The following CD2AP variants were observed in gnomAD, a reference collection of about 807,000 sequenced individuals.
CD2AP encodes the protein CD2 associated protein, also known as CD2-associated protein.
Under a neutral mutation model 85.1 loss-of-function variants are expected in CD2AP, and 46 were observed. The observed-to-expected ratio is 0.54, with a 90% CI of 0.43 to 0.69. The LOEUF is 0.69. CD2AP is among the 30% of genes least tolerant of loss of function. The pLI is 0.00. For missense variants in CD2AP, 769 were observed against 729.5 expected (o/e 1.05, Z -0.62); for synonymous variants, 255 against 252.9 (o/e 1.01, Z -0.08).
intron 13 of CD2AP, among the ~76,000 whole-genome samples, chr6:47,605,237 A>T (rs965515891): frequency 2.6e-5 from 4 of 152,034 alleles, no homozygotes; most frequent in African/African-American, 4.8e-5. Flanking sequence ...TGAGTTTGGA[A>T]TCTGGGGTAA....
chr6:47,565,864 C>T (rs112307024), intron 5 of CD2AP, among the ~76,000 whole-genome samples: 291 of 152,300 alleles, frequency 1.9e-3, no homozygotes, highest in African/African-American at 6.8e-3. Flanking sequence ...GATCACCCTC[C>T]AGTAGCTTTG....
chr6:47,599,474 T>TAA, intron 13 of CD2AP, 31 bp downstream of exon 13: 31 of 1,321,160 alleles, frequency 2.3e-5, no homozygotes, highest in African/African-American at 4.5e-5. Flanking sequence ...GTGGTGCATT[T>TAA]AAAAAAAAAA....
chr6:47,601,591 C>T (rs1001375399), intron 13 of CD2AP, among the ~76,000 whole-genome samples: 5 of 151,930 alleles, frequency 3.3e-5, no homozygotes, highest in East Asian at 3.9e-4. Flanking sequence ...TAGTGTATGT[C>T]GTAAGCATTA....
chr6:47,575,880 G>T (rs980475038), intron 6 of CD2AP, among the ~76,000 whole-genome samples: 2 of 152,042 alleles, frequency 1.3e-5, no homozygotes, highest in African/African-American at 2.4e-5. Flanking sequence ...TTAGTTCTGG[G>T]TTAAAATCTG....
chr6:47,568,618 C>G (rs1294058688), intron 5 of CD2AP, among the ~76,000 whole-genome samples: 2 of 152,082 alleles, frequency 1.3e-5, no homozygotes, highest in Non-Finnish European at 2.9e-5. Context: ...GTGGTGTGCA[C>G]CTGTAATCGC....
chr6:47,507,734 C>T (rs563622101), intron 2 of CD2AP, among the ~76,000 whole-genome samples: 4 of 152,270 alleles, frequency 2.6e-5, no homozygotes, highest in African/African-American at 7.2e-5. Flanking sequence ...TGTGAGCCAC[C>T]GTGCCTGGCC....
At chr6:47,612,229 C>T (rs982389920) in intron 16 of CD2AP, among the ~76,000 whole-genome samples, 5 of 152,046 alleles carry the variant, frequency 3.3e-5, no homozygotes, top group Admixed American at 6.6e-5. Flanking sequence ...TTTCTGTCTT[C>T]GTGAGCTGCT....
At chr6:47,497,596 G>T (rs987223319) in intron 1 of CD2AP, among the ~76,000 whole-genome samples, 15 of 152,016 alleles carry the variant, frequency 9.9e-5, no homozygotes, top group Admixed American at 7.2e-4. Context: ...TGGTATTTTT[G>T]TAGAGATGGG....
intron 2 of CD2AP, among the ~76,000 whole-genome samples, chr6:47,521,207 G>GT (rs1436814971): frequency 6.6e-6 from 1 of 152,070 alleles, no homozygotes. Flanking sequence ...CATAAGTAAG[G>GT]TTTTTACTCA....
At chr6:47,524,619 T>TC (rs1171552591) in intron 2 of CD2AP, among the ~76,000 whole-genome samples, 2 of 74,024 alleles carry the variant, frequency 2.7e-5, no homozygotes, top group Non-Finnish European at 4.2e-5. Flanking sequence ...TGTTTTTTTT[T>TC]CCACTGTACT....
intron 4 of CD2AP, among the ~76,000 whole-genome samples, chr6:47,552,431 A>G (rs2114058801): frequency 6.6e-6 from 1 of 152,302 alleles, no homozygotes; most frequent in East Asian, 1.9e-4. Context: ...TTCACTTAGA[A>G]TAATAGCCTC....
At chr6:47,520,695 T>A (rs886453926) in intron 2 of CD2AP, among the ~76,000 whole-genome samples, 10 of 151,216 alleles carry the variant, frequency 6.6e-5, no homozygotes, top group Non-Finnish European at 1.2e-4. Context: ...GTTCCCTACT[T>A]GGTCATTGCT....
At chr6:47,509,239 T>G (rs947503498) in intron 2 of CD2AP, among the ~76,000 whole-genome samples, 6 of 152,092 alleles carry the variant, frequency 3.9e-5, no homozygotes, top group African/African-American at 1.2e-4. Context: ...AGGGCACAGT[T>G]TGAGATACCT....
At chr6:47,607,440 A>G (rs750557303) in intron 14 of CD2AP, among the ~76,000 whole-genome samples, 8 of 152,044 alleles carry the variant, frequency 5.3e-5, no homozygotes, top group Admixed American at 4.6e-4. Context: ...AGGGTTCCCT[A>G]TCTCCATATC....
chr6:47,496,003 A>T (rs912125648), intron 1 of CD2AP, among the ~76,000 whole-genome samples: 1 of 151,980 alleles, frequency 6.6e-6, no homozygotes, highest in African/African-American at 2.4e-5. Flanking sequence ...TTCCTATATG[A>T]TGTTACTGTT....
At chr6:47,575,736 A>G (rs1048656724) in intron 6 of CD2AP, among the ~76,000 whole-genome samples, 4 of 152,184 alleles carry the variant, frequency 2.6e-5, no homozygotes, top group Admixed American at 6.5e-5. Context: ...GTAATCTGTT[A>G]GTCCTTTACA....
At chr6:47,584,973 T>C (rs1213638671) in intron 11 of CD2AP, among the ~76,000 whole-genome samples, 1 of 152,008 alleles carries the variant, frequency 6.6e-6, no homozygotes, top group Non-Finnish European at 1.5e-5. Context: ...CTTCCCCTTT[T>C]CCCTAAAATC....
intron 13 of CD2AP, among the ~76,000 whole-genome samples, chr6:47,604,391 A>G (rs890819527): frequency 3.3e-5 from 5 of 152,066 alleles, no homozygotes; most frequent in Non-Finnish European, 7.4e-5. Flanking sequence ...CTGGACATAC[A>G]GAAGACATTT....
intron 2 of CD2AP, among the ~76,000 whole-genome samples, chr6:47,526,052 C>T (rs552584797): frequency 1.8e-4 from 28 of 152,232 alleles, no homozygotes; most frequent in African/African-American, 6.7e-4. Flanking sequence ...AATATGTATG[C>T]TATTTCCTGG....
Sources: allele counts gnomAD v4.1 joint callset (sites outside exome capture counted in the v4.1 genomes callset), GRCh38; gene constraint gnomAD v4.1.1; transcripts MANE v1.5; gene names NCBI Gene and HGNC (gene_info 2026-07-23, HGNC 2026-07-21).